Variants in STAU2 observed in about 807,000 individuals in gnomAD.
STAU2 encodes staufen double-stranded RNA binding protein 2.
STAU2 carries 20 observed loss-of-function variants against 65.9 expected under a neutral mutation model. The ratio of observed to expected loss-of-function variants is 0.30; its 90% CI spans 0.21 to 0.44. The LOEUF (loss-of-function observed/expected upper bound fraction) is 0.44. Ranked by LOEUF, STAU2 falls within the 20% of genes least tolerant of loss-of-function variation. The pLI is 1.00. For synonymous variants in STAU2, 232 were observed against 233.9 expected (o/e 0.99, Z 0.07); for missense variants, 558 against 683.9 (o/e 0.82, Z 2.05).
intron 4 of STAU2, among the ~76,000 whole-genome samples, chr8:73,697,916 C>T (rs558827018): frequency 2.2e-4 from 33 of 152,030 alleles, no homozygotes; most frequent in African/African-American, 7.5e-4. Context: ...CCCATCTCTA[C>T]TAAAAATACA....
In STAU2 at chr8:73,617,401, T is replaced by C. The variant is rs1171111738; in HGVS notation, c.461A>G (p.Asn154Ser). 1.2e-6 allele frequency: 2 copies of C among 1,614,138 alleles called. No homozygotes were observed. Among genetic ancestry groups the C allele is most frequent in the South Asian group, 2.2e-5 (2 of 91,082 alleles). Residue 154 changes from asparagine to serine, a missense_variant, in exon 7 of 15, where the codon AAT becomes AGT. Transcript: ENST00000524300. ...KIFYVQLTVG[N>S]NEFFGEGKTR... is the part of the protein sequence containing the mutation. Reference sequence around the variant, plus strand: ...CTTTCCTTCCCCAAAAAATTCATTATTTCCTACAGTGAGCTGAACATAAAA... The same window carrying C: ...CTTTCCTTCCCCAAAAAATTCATTACTTCCTACAGTGAGCTGAACATAAAA...
At chr8:73,525,431 C>CT (rs981529928) in intron 13 of STAU2, among the ~76,000 whole-genome samples, 5 of 151,492 alleles carry the variant, frequency 3.3e-5, no homozygotes, top group African/African-American at 7.3e-5. Context: ...GGAAGAGGCA[C>CT]TTTTTTTTTC....
chr8:73,738,405 G>A (rs72661806), intron 2 of STAU2, 56 bp from the exon 3 acceptor site: 37,336 of 1,274,720 alleles, frequency 0.029, 773 homozygotes, highest in Middle Eastern at 0.06. Flanking sequence ...CTCAATGACT[G>A]GTATTTTAAA....
At chr8:73,718,719 G>A (rs1386113759) in intron 3 of STAU2, among the ~76,000 whole-genome samples, 4 of 152,280 alleles carry the variant, frequency 2.6e-5, no homozygotes, top group East Asian at 1.9e-4. Flanking sequence ...TTAATTTCTT[G>A]CAGCAGTATT....
At chr8:73,611,099 G>C (rs1812420968) in intron 9 of STAU2, among the ~76,000 whole-genome samples, 1 of 152,154 alleles carries the variant, frequency 6.6e-6, no homozygotes, top group Non-Finnish European at 1.5e-5. Context: ...CTTCCATTGA[G>C]TGTAACAAAC....
intron 6 of STAU2, among the ~76,000 whole-genome samples, chr8:73,637,965 C>T (rs927798839): frequency 6.6e-6 from 1 of 151,686 alleles, no homozygotes; most frequent in Non-Finnish European, 1.5e-5. Context: ...AAAAATAATG[C>T]AGCTTCTTAC....
chr8:73,691,917 G>A (rs1819345419), intron 4 of STAU2, among the ~76,000 whole-genome samples: 1 of 152,184 alleles, frequency 6.6e-6, no homozygotes, highest in Non-Finnish European at 1.5e-5. Context: ...CCCCTGGATA[G>A]AGAGCTAGTC....
intron 13 of STAU2, among the ~76,000 whole-genome samples, chr8:73,525,531 A>G (rs1823309776): frequency 1.3e-5 from 2 of 152,184 alleles, no homozygotes; most frequent in African/African-American, 4.8e-5. Context: ...AACTAGCCTC[A>G]TTATCTTATA....
intron 6 of STAU2, among the ~76,000 whole-genome samples, chr8:73,655,556 G>C (rs920088751): frequency 6.8e-6 from 1 of 147,140 alleles, no homozygotes; most frequent in Non-Finnish European, 1.5e-5. Context: ...GTACTTCCAT[G>C]TAAGTTAGAA....
chr8:73,595,764 T>C (rs1241907320), intron 10 of STAU2, among the ~76,000 whole-genome samples: 1 of 152,196 alleles, frequency 6.6e-6, no homozygotes, highest in Admixed American at 6.5e-5. Flanking sequence ...CAAAGATTTA[T>C]ATTAAATAGT....
At chr8:73,503,981 T>C (rs1821904463) in intron 13 of STAU2, among the ~76,000 whole-genome samples, 3 of 151,970 alleles carry the variant, frequency 2.0e-5, no homozygotes, top group Admixed American at 1.3e-4. Context: ...GTAAAAGACA[T>C]ATAAAAAGAA....
chr8:73,438,246 A>G (rs1000594855), intron 13 of STAU2, among the ~76,000 whole-genome samples: 1 of 152,192 alleles, frequency 6.6e-6, no homozygotes, highest in Admixed American at 6.5e-5. Flanking sequence ...ACAAACACTC[A>G]TGGAGAACCA....
intron 13 of STAU2, among the ~76,000 whole-genome samples, chr8:73,432,698 G>T (rs1208620510): frequency 6.6e-6 from 1 of 152,138 alleles, no homozygotes. Flanking sequence ...CCCACTTGCT[G>T]CCCTGTTTTC....
intron 13 of STAU2, among the ~76,000 whole-genome samples, chr8:73,497,064 T>C (rs1272660489): frequency 6.6e-6 from 1 of 151,822 alleles, no homozygotes; most frequent in East Asian, 1.9e-4. Context: ...TCATTAATTC[T>C]TATCTGGCAG....
At chr8:73,551,926 G>A in intron 13 of STAU2, 86 bp downstream of exon 13, 5 of 1,444,556 alleles carry the variant, frequency 3.5e-6, no homozygotes, top group South Asian at 3.6e-5. Context: ...ATACTAGCAG[G>A]CAAGAATGAG....
At chr8:73,555,817 A>G (rs1468943783) in intron 12 of STAU2, among the ~76,000 whole-genome samples, 3 of 152,162 alleles carry the variant, frequency 2.0e-5, no homozygotes, top group Non-Finnish European at 4.4e-5. Context: ...CCAATTCTTC[A>G]CGGATATCAA....
intron 6 of STAU2, among the ~76,000 whole-genome samples, chr8:73,629,022 AAACT>A: frequency 6.6e-6 from 1 of 152,356 alleles, no homozygotes; most frequent in South Asian, 2.1e-4. Context: ...TTGGAGATGC[AAACT>A]AATTATACTT....
At chr8:73,648,860 A>G (rs1228783629) in intron 6 of STAU2, among the ~76,000 whole-genome samples, 2 of 152,160 alleles carry the variant, frequency 1.3e-5, no homozygotes, top group Non-Finnish European at 1.5e-5. Flanking sequence ...AGGCTGGAGT[A>G]CAGTGGTACC....
At chr8:73,593,033 CTCT>C (rs1810936430) in intron 11 of STAU2, among the ~76,000 whole-genome samples, 1 of 152,136 alleles carries the variant, frequency 6.6e-6, no homozygotes, top group African/African-American at 2.4e-5. Flanking sequence ...GTCTTTCCTC[CTCT>C]TTTTTCCTGT....
Sources: allele counts gnomAD v4.1 joint callset (sites outside exome capture counted in the v4.1 genomes callset), GRCh38; gene constraint gnomAD v4.1.1; transcripts MANE v1.5; gene names NCBI Gene and HGNC (gene_info 2026-07-23, HGNC 2026-07-21).